Variants in DNAH14 observed in about 807,000 individuals in gnomAD.
DNAH14 encodes the protein axonemal beta dynein heavy chain 14.
In DNAH14, 478 loss-of-function variants were observed where a neutral mutation model predicts 520.9. That is an observed-to-expected ratio of 0.92 (90% CI 0.85 to 0.99). The LOEUF (loss-of-function observed/expected upper bound fraction) is 0.99. Ranked by LOEUF, DNAH14 falls within the 50% of genes least tolerant of loss-of-function variation. DNAH14 has a pLI of 0.00. For missense variants in DNAH14, 4,831 were observed against 5,234.5 expected (o/e 0.92, Z 2.38); for synonymous variants, 1,581 against 1,757.2 (o/e 0.90, Z 2.51).
At chr1:225,234,850 T>G (rs555516545) in intron 42 of DNAH14, among the ~76,000 whole-genome samples, 1 of 152,264 alleles carries the variant, frequency 6.6e-6, no homozygotes, top group Non-Finnish European at 1.5e-5. Context: ...TCTGCTTGCC[T>G]GTTGTTGGTG....
chr1:225,205,763 T>C (rs541802933), intron 39 of DNAH14, among the ~76,000 whole-genome samples: 1 of 152,224 alleles, frequency 6.6e-6, no homozygotes, highest in Non-Finnish European at 1.5e-5. Flanking sequence ...GTCTAAACAA[T>C]GCTTAAAGCA....
intron 1 of DNAH14, among the ~76,000 whole-genome samples, chr1:224,951,330 T>G (rs1225227281): frequency 6.6e-6 from 1 of 152,164 alleles, no homozygotes; most frequent in Non-Finnish European, 1.5e-5. Context: ...CTGGCCTTGT[T>G]GGCTCTTTTT....
At chr1:225,178,244 A>G (rs1383124525) in intron 36 of DNAH14, among the ~76,000 whole-genome samples, 2 of 152,090 alleles carry the variant, frequency 1.3e-5, no homozygotes, top group Non-Finnish European at 2.9e-5. Flanking sequence ...TAAAAGACAT[A>G]CCCAAGACTG....
intron 11 of DNAH14, among the ~76,000 whole-genome samples, chr1:225,028,935 G>A (rs1200905197): frequency 6.6e-6 from 1 of 151,926 alleles, no homozygotes; most frequent in Non-Finnish European, 1.5e-5. Context: ...AATGTAGCAA[G>A]CCTCCTCCTA....
chr1:225,200,602 C>T (rs148619833), intron 38 of DNAH14, among the ~76,000 whole-genome samples: 2,217 of 152,128 alleles, frequency 0.015, 22 homozygotes, highest in South Asian at 0.023. Flanking sequence ...TGTATCTGTC[C>T]TTCATTTATG....
At chr1:225,249,638 A>G (rs565526232) in intron 43 of DNAH14, among the ~76,000 whole-genome samples, 1 of 152,190 alleles carries the variant, frequency 6.6e-6, no homozygotes, top group Non-Finnish European at 1.5e-5. Context: ...CACTTCAAAT[A>G]TATGTATCAA....
At chr1:225,003,076 G>A (rs1161483858) in intron 9 of DNAH14, 149 bp downstream of exon 9, 21 of 753,422 alleles carry the variant, frequency 2.8e-5, no homozygotes, top group Non-Finnish European at 3.9e-5. Context: ...TGCAAAGAAT[G>A]TGAGTTCCTT....
At chr1:225,088,411 T>A (rs568441733) in intron 21 of DNAH14, among the ~76,000 whole-genome samples, 23 of 152,150 alleles carry the variant, frequency 1.5e-4, no homozygotes, top group Non-Finnish European at 2.8e-4. Flanking sequence ...TAACACAGAT[T>A]AAACAGGGCA....
chr1:224,964,643 A>G, intron 5 of DNAH14, 34 bp downstream of exon 5: 1 of 1,437,238 alleles, frequency 7.0e-7, no homozygotes. Context: ...TTGATCTTTA[A>G]AAATCAATAT....
chr1:225,211,914 A>ATTTATC (rs920846379), intron 41 of DNAH14, among the ~76,000 whole-genome samples: 4 of 140,224 alleles, frequency 2.9e-5, no homozygotes, highest in African/African-American at 1.1e-4. Context: ...TTATTTATTT[A>ATTTATC]TTTTTATTAT....
At chr1:225,085,140 G>A (rs558587074) in intron 20 of DNAH14, among the ~76,000 whole-genome samples, 45 of 152,214 alleles carry the variant, frequency 3.0e-4, no homozygotes, top group African/African-American at 1.0e-3. Context: ...ATGACATATA[G>A]GAATGGTGGT....
chr1:225,038,939 C>A, intron 12 of DNAH14, 116 bp downstream of exon 12: 1 of 825,552 alleles, frequency 1.2e-6, no homozygotes, highest in Non-Finnish European at 1.8e-6. Flanking sequence ...AACATACCCT[C>A]GCCAACACAC....
chr1:225,383,596 G>A (rs537284740), intron 81 of DNAH14, among the ~76,000 whole-genome samples: 5 of 152,148 alleles, frequency 3.3e-5, no homozygotes, highest in Admixed American at 6.5e-5. Context: ...AGAAATGTCC[G>A]GCTTGGACAA....
At chr1:225,386,678 T>G (rs2095845392) in intron 81 of DNAH14, among the ~76,000 whole-genome samples, 1 of 152,118 alleles carries the variant, frequency 6.6e-6, no homozygotes, top group African/African-American at 2.4e-5. Context: ...AAAACCACAA[T>G]GGGATACCAT....
rs1243220069 is a variant in DNAH14 at position 225,290,668 on chromosome 1, T to C, written c.8469+586T>C. On this transcript the variant is annotated intron_variant, in intron 55 of 85. Coordinates refer to ENST00000682510, the MANE Select transcript of DNAH14 (RefSeq NM_001367479.1). ...GTGTGTATATATATATATATATATA[T>C]ATATATATATATATATATATATATA... Among the ~76,000 whole-genome samples, 86 of 119,110 alleles carry C rather than the reference T, an allele frequency of 7.2e-4. 2 individuals carry two copies. The highest frequency in any genetic ancestry group is 1.1e-3 in the Non-Finnish European group (68 of 60,792). 78.1% of individuals were successfully genotyped at this position (119,110 alleles called of 152,430 possible).
chr1:225,060,607 C>T (rs1390301963), intron 17 of DNAH14, among the ~76,000 whole-genome samples: 1 of 151,576 alleles, frequency 6.6e-6, no homozygotes, highest in African/African-American at 2.4e-5. Context: ...TTAGAGTTTC[C>T]AGTTTTTCTG....
intron 27 of DNAH14, among the ~76,000 whole-genome samples, chr1:225,132,973 AGTAATGTT>A (rs1232309433): frequency 6.6e-6 from 1 of 152,194 alleles, no homozygotes; most frequent in Non-Finnish European, 1.5e-5. Flanking sequence ...TCTAACAATT[AGTAATGTT>A]GAGGTTTTTT....
At chr1:225,211,914 A>T (rs1023653618) in intron 41 of DNAH14, among the ~76,000 whole-genome samples, 2 of 140,224 alleles carry the variant, frequency 1.4e-5, no homozygotes, top group African/African-American at 2.7e-5. Context: ...TTATTTATTT[A>T]TTTTTATTAT....
chr1:225,251,422 C>G (rs1212051572), intron 43 of DNAH14, among the ~76,000 whole-genome samples: 1 of 152,136 alleles, frequency 6.6e-6, no homozygotes, highest in Non-Finnish European at 1.5e-5. Context: ...GATCTGCCCA[C>G]CTTGGCCTCC....
Sources: gnomAD v4.1 joint callset for allele counts (sites outside exome capture counted in the v4.1 genomes callset) on GRCh38, gnomAD v4.1.1 for gene constraint, MANE v1.5 for transcripts, NCBI Gene and HGNC (gene_info 2026-07-23, HGNC 2026-07-21) for gene names.